The following ATP10A variants were observed in gnomAD, a reference collection of about 807,000 sequenced individuals.
ATP10A encodes the protein phospholipid-transporting ATPase VA.
A neutral mutation model predicts 147.8 loss-of-function variants in ATP10A; 111 were observed. The observed-to-expected ratio is 0.75, with a 90% CI of 0.64 to 0.88. The LOEUF is 0.88. Ranked by LOEUF, ATP10A falls within the 40% of genes least tolerant of loss-of-function variation. The probability of loss-of-function intolerance (pLI) is 0.00; values close to 1 mark genes in which losing one functional copy is unlikely to be tolerated. For missense variants in ATP10A, 1,927 were observed against 1,959.0 expected, an observed-to-expected ratio of 0.98 and a Z score of 0.31; for synonymous variants, 875 against 841.6, an observed-to-expected ratio of 1.04 and a Z score of -0.69.
chr15:25,792,502 G>A (rs1306981517), intron 1 of ATP10A, among the ~76,000 whole-genome samples: 2 of 152,310 alleles, frequency 1.3e-5, no homozygotes, highest in East Asian at 1.9e-4. Context: ...AGAAAAGGGG[G>A]CCAACCCCAG....
In ATP10A at chr15:25,718,169, C is replaced by A. The variant is rs1901940423; in HGVS notation, c.1581+13G>T. The A allele has an allele frequency of 6.2e-7, 1 of 1,611,556 alleles. No individual in the cohort carries two copies. Among genetic ancestry groups the A allele is most frequent in the East Asian group, 2.2e-5 (1 of 44,836 alleles). ...ACGTGGCAGCACCCTAGCAGGAGGC[C>A]CTGTACACTCACCATGGGGCTGCTG... On this transcript the variant is annotated intron_variant, in intron 8 of 20. Transcript: ENST00000555815.
intron 1 of ATP10A, chr15:25,841,373 T>C (rs938809832): frequency 1.3e-5 from 2 of 152,126 alleles, no homozygotes; most frequent in Admixed American, 1.3e-4. Context: ...CAAAAACTAA[T>C]TGGGCATATC....
intron 16 of ATP10A, 129 bp from the exon 17 acceptor site, chr15:25,683,615 C>A: frequency 1.1e-6 from 1 of 889,956 alleles, no homozygotes; most frequent in Non-Finnish European, 1.7e-6. Context: ...CGATTTCTGC[C>A]AAAGACAGCC....
chr15:25,672,238 C>T, the ATP10A span, among the ~76,000 whole-genome samples: 2 of 152,296 alleles, frequency 1.3e-5, no homozygotes, highest in East Asian at 1.9e-4. Context: ...CCACCGTGCC[C>T]GGCCCGTCCT....
chr15:25,789,096 C>A (rs192046472), intron 1 of ATP10A, among the ~76,000 whole-genome samples: 6 of 152,054 alleles, frequency 3.9e-5, no homozygotes, highest in Non-Finnish European at 7.4e-5. Flanking sequence ...GTAGCTGGGA[C>A]GACAGGTGTG....
At chr15:25,707,536 A>G (rs1281676752) in intron 12 of ATP10A, among the ~76,000 whole-genome samples, 3 of 152,240 alleles carry the variant, frequency 2.0e-5, no homozygotes, top group Admixed American at 2.0e-4. Flanking sequence ...ACACAGCTGG[A>G]AATGTGGACA....
intron 3 of ATP10A, among the ~76,000 whole-genome samples, chr15:25,732,555 C>G (rs1887000858): frequency 6.2e-5 from 1 of 16,110 alleles, no homozygotes; most frequent in Admixed American, 1.0e-3. Context: ...CATGCGACAC[C>G]TTCTTTTTTT....
chr15:25,825,565 A>G (rs1892079353), intron 1 of ATP10A, among the ~76,000 whole-genome samples: 1 of 152,192 alleles, frequency 6.6e-6, no homozygotes, highest in South Asian at 2.1e-4. Flanking sequence ...AACATCAGCA[A>G]AGATTAGGAG....
chr15:25,838,155 C>T (rs1374181638), intron 1 of ATP10A, among the ~76,000 whole-genome samples: 1 of 152,216 alleles, frequency 6.6e-6, no homozygotes, highest in East Asian at 1.9e-4. Context: ...GTCTGGATGG[C>T]ACTTGTTTGA....
chr15:25,817,841 A>G (rs1891730742), intron 1 of ATP10A, among the ~76,000 whole-genome samples: 2 of 152,244 alleles, frequency 1.3e-5, no homozygotes, highest in Admixed American at 1.3e-4. Context: ...GAAACGGTTT[A>G]AAGAATTTGA....
rs60947517 is a variant in ATP10A at position 25,692,237 on chromosome 15, C to CT, written c.3089-447dup. Among the ~76,000 whole-genome samples the CT allele has an allele frequency of 6.1e-3, 925 of 152,056 alleles. 11 individuals are homozygous for CT. Among genetic ancestry groups the CT allele is most frequent in the African/African-American group, 0.021 (888 of 41,482 alleles). On this transcript the variant is annotated intron_variant, in intron 14 of 20. Transcript: ENST00000555815. Reference sequence around the variant, plus strand: ...ATTCAGCCCAGCACGTTGTGGAGCTCTTTTTTTTGCATATGGATTGCCACA... The same window carrying CT: ...ATTCAGCCCAGCACGTTGTGGAGCTCTTTTTTTTTGCATATGGATTGCCACA...
At chr15:25,845,307 G>A (rs1194916936) in intron 1 of ATP10A, among the ~76,000 whole-genome samples, 3 of 142,544 alleles carry the variant, frequency 2.1e-5, no homozygotes, top group African/African-American at 5.4e-5. Flanking sequence ...AAATCAGCAC[G>A]GACCGTTTGT....
intron 1 of ATP10A, among the ~76,000 whole-genome samples, chr15:25,848,434 T>C (rs1893131386): frequency 6.6e-6 from 1 of 152,160 alleles, no homozygotes; most frequent in Non-Finnish European, 1.5e-5. Flanking sequence ...GACTACAGGC[T>C]TGTGCCACTG....
intron 2 of ATP10A, among the ~76,000 whole-genome samples, chr15:25,749,966 G>C (rs1888062290): frequency 6.6e-6 from 1 of 152,076 alleles, no homozygotes; most frequent in Non-Finnish European, 1.5e-5. Flanking sequence ...GAGAGGATTG[G>C]TAAGTTGTAA....
chr15:25,736,587 CT>C (rs1029033445), intron 2 of ATP10A, among the ~76,000 whole-genome samples: 6 of 152,114 alleles, frequency 3.9e-5, no homozygotes, highest in African/African-American at 1.4e-4. Context: ...CTTCATGGAT[CT>C]TTGATGAAAA....
chr15:25,675,078 G>A (rs950173117), downstream of ATP10A, among the ~76,000 whole-genome samples: 3 of 152,204 alleles, frequency 2.0e-5, no homozygotes, highest in African/African-American at 7.2e-5. Context: ...GTGTGCGCAC[G>A]CTGCTCGGGG....
At chr15:25,735,921 T>C in intron 3 of ATP10A, 135 bp downstream of exon 3, 1 of 799,734 alleles carries the variant, frequency 1.3e-6, no homozygotes, top group East Asian at 2.7e-5. Context: ...GCTCAGGTGC[T>C]GGGCCACATT....
intron 15 of ATP10A, among the ~76,000 whole-genome samples, chr15:25,689,337 G>A (rs896731263): frequency 6.6e-6 from 1 of 152,190 alleles, no homozygotes; most frequent in Admixed American, 6.5e-5. Context: ...GGACAAATAG[G>A]GTGAACCAGA....
At chr15:25,784,236 TGCCCAA>T (rs1173749848) in intron 1 of ATP10A, among the ~76,000 whole-genome samples, 1 of 152,222 alleles carries the variant, frequency 6.6e-6, no homozygotes, top group East Asian at 1.9e-4. Flanking sequence ...AGGCAGCCTA[TGCCCAA>T]GCATCGGCGG....
Sources: gnomAD v4.1 joint callset for allele counts (sites outside exome capture counted in the v4.1 genomes callset) on GRCh38, gnomAD v4.1.1 for gene constraint, MANE v1.5 for transcripts, NCBI Gene and HGNC (gene_info 2026-07-23, HGNC 2026-07-21) for gene names.